Variants in SMYD2 observed in about 807,000 individuals in gnomAD.
The protein encoded by SMYD2 is SET and MYND domain containing 2, also known as N-lysine methyltransferase SMYD2.
In SMYD2, 53 loss-of-function variants were observed where a neutral mutation model predicts 59.1. That is an observed-to-expected ratio of 0.90 (90% confidence interval 0.72 to 1.13). SMYD2 has a LOEUF of 1.13. Ranked by LOEUF, SMYD2 falls within the 50% of genes most tolerant of loss-of-function variation. SMYD2 has a pLI of 0.00. For missense variants in SMYD2, 494 were observed against 544.7 expected (o/e 0.91, Z 0.93); for synonymous variants, 208 against 198.8 (o/e 1.05, Z -0.39).
At chr1:214,301,332 T>TG (rs891927295) in intron 1 of SMYD2, among the ~76,000 whole-genome samples, 1 of 152,210 alleles carries the variant, frequency 6.6e-6, no homozygotes, top group Non-Finnish European at 1.5e-5. Context: ...TCTTAAAAGT[T>TG]GTGATGTGCA....
chr1:214,328,479 C>A (rs954187199), intron 7 of SMYD2, among the ~76,000 whole-genome samples: 1 of 152,134 alleles, frequency 6.6e-6, no homozygotes, highest in Non-Finnish European at 1.5e-5. Context: ...CATGAGACGT[C>A]TCACCTGGGA....
intron 7 of SMYD2, among the ~76,000 whole-genome samples, chr1:214,328,393 C>T (rs1290868181): frequency 1.3e-5 from 2 of 152,164 alleles, no homozygotes; most frequent in African/African-American, 2.4e-5. Context: ...AGCTTCAGGA[C>T]GTGGAGAGAA....
intron 3 of SMYD2, among the ~76,000 whole-genome samples, chr1:214,316,926 T>C (rs1657094932): frequency 6.6e-6 from 1 of 152,076 alleles, no homozygotes; most frequent in South Asian, 2.1e-4. Flanking sequence ...GGTATCAGAG[T>C]CAGTAAGTCA....
At chr1:214,291,726 A>G (rs547651213) in intron 1 of SMYD2, among the ~76,000 whole-genome samples, 7 of 152,294 alleles carry the variant, frequency 4.6e-5, no homozygotes, top group South Asian at 4.1e-4. Flanking sequence ...CAGTCCTACA[A>G]CTACAACACC....
At chr1:214,325,961 C>T (rs4655335) in intron 6 of SMYD2, among the ~76,000 whole-genome samples, 133,875 of 151,784 alleles carry the variant, frequency 0.88, 59,596 homozygotes, top group African/African-American at 0.97. Flanking sequence ...GCACGCCTTA[C>T]AGGTGTGGTG....
In SMYD2 at chr1:214,316,389, G is replaced by A. The variant is rs73092315; in HGVS notation, c.348+1517G>A. On this transcript the variant is annotated intron_variant, in intron 3 of 11. Transcript: ENST00000366957. ...CCAGCTATTCTGGAGGCTGAGGCAGGAGAATTACTGGAACCCGGAACTTCA... is the reference window on the plus strand; with the variant it reads ...CCAGCTATTCTGGAGGCTGAGGCAGAAGAATTACTGGAACCCGGAACTTCA... Among the ~76,000 whole-genome samples the A allele has an allele frequency of 6.4e-3, 967 of 152,002 alleles. 13 individuals are homozygous for A. Among genetic ancestry groups the A allele is most frequent in the African/African-American group, 0.022 (916 of 41,440 alleles).
chr1:214,287,302 A>C (rs978443577), intron 1 of SMYD2, among the ~76,000 whole-genome samples: 2 of 151,312 alleles, frequency 1.3e-5, no homozygotes, highest in South Asian at 4.2e-4. Context: ...AAGCTGGCCT[A>C]TTGGCTGGGC....
chr1:214,313,802 A>G (rs1657037376), intron 2 of SMYD2, among the ~76,000 whole-genome samples: 1 of 152,058 alleles, frequency 6.6e-6, no homozygotes, highest in African/African-American at 2.4e-5. Context: ...ATCTCAAGTG[A>G]TGGCGCCTCC....
intron 2 of SMYD2, among the ~76,000 whole-genome samples, chr1:214,306,272 T>G (rs1029206008): frequency 2.0e-5 from 3 of 151,994 alleles, no homozygotes; most frequent in Non-Finnish European, 4.4e-5. Flanking sequence ...ACTATTTCAT[T>G]TTTTTTTCTT....
In SMYD2 at chr1:214,324,714, CTG is replaced by C. The variant is rs757807709; in HGVS notation, c.602+10_602+11del. ...GGATCAGCGATATTTCCTGAGTAGG[CTG>C]TGTTTGACTTCATTTCTTTCCTTTT... On this transcript the variant is annotated splice_region_variant and intron_variant, in intron 6 of 11. Transcript: ENST00000366957. The C allele has an allele frequency of 1.6e-5, 26 of 1,605,190 alleles. No homozygotes were observed. In the African/African-American group the frequency reaches 3.4e-4, roughly 21 times the overall value.
Position 214,318,290 on chromosome 1 carries a change from G to A in SMYD2, c.409+151G>A, listed in dbSNP as rs916546403. Reference sequence around the variant, plus strand: ...TTTATTTTTACTCTTGTGCTGTTTCGAAAAGCACTTTTAGCTTTTTTCTTC... The same window carrying A: ...TTTATTTTTACTCTTGTGCTGTTTCAAAAAGCACTTTTAGCTTTTTTCTTC... On this transcript the variant is annotated intron_variant, in intron 4 of 11. Coordinates refer to ENST00000366957, the MANE Select transcript of SMYD2 (RefSeq NM_020197.3). This position sits in a 1 kb window ranked among gnomAD's most constrained non-coding sequence, Gnocchi z 5.4. 6 of 709,314 alleles carry A rather than the reference G, an allele frequency of 8.5e-6. No individual in the cohort carries two copies. The highest frequency in any genetic ancestry group is 2.1e-5 in the South Asian group (1 of 48,620). The allele number at this position is 709,314 out of a possible 1,614,324, so 43.9% of individuals were successfully genotyped here. A position where few individuals can be genotyped will look rare whatever the true frequency, so the allele number is the denominator to read the frequency against.
intron 6 of SMYD2, among the ~76,000 whole-genome samples, chr1:214,325,326 G>A (rs577488090): frequency 6.6e-6 from 1 of 152,342 alleles, no homozygotes; most frequent in Non-Finnish European, 1.5e-5. Flanking sequence ...GAATGATTTT[G>A]CCTTTGTCTG....
intron 3 of SMYD2, among the ~76,000 whole-genome samples, chr1:214,317,090 G>A (rs971079511): frequency 2.0e-5 from 3 of 152,140 alleles, no homozygotes; most frequent in Admixed American, 6.5e-5. Context: ...TTTCCCAAGC[G>A]AGATGACTTA....
intron 7 of SMYD2, 134 bp downstream of exon 7, chr1:214,327,858 C>T (rs138323600): frequency 3.0e-6 from 2 of 674,878 alleles, no homozygotes; most frequent in African/African-American, 1.8e-5. Flanking sequence ...TGAGTCTGCC[C>T]TCAGGCTCTC....
chr1:214,300,944 A>G lies in SMYD2; in HGVS notation c.174-4243A>G, dbSNP rs144601080. The stretch of plus-strand genomic sequence containing the variant: ...AGAACCGCAGAGAGCTTTTGTTTAT[A>G]TGAGTTATAGCAATCATTATGTATC... On this transcript the variant is annotated intron_variant, in intron 1 of 11. Transcript: ENST00000366957. 2.0e-3 allele frequency among the ~76,000 whole-genome samples: 302 copies of G among 152,354 alleles called. 3 individuals carry two copies. In the East Asian group the frequency reaches 0.029, roughly 15 times the overall value.
intron 1 of SMYD2, among the ~76,000 whole-genome samples, chr1:214,299,484 C>CATAT (rs1656787939): frequency 2.4e-5 from 1 of 41,056 alleles, no homozygotes; most frequent in Non-Finnish European, 5.5e-5. Context: ...TATATATATA[C>CATAT]ACCATAGAAT....
intron 10 of SMYD2, 67 bp downstream of exon 10, chr1:214,332,259 T>G (rs921099059): frequency 6.5e-7 from 1 of 1,546,618 alleles, no homozygotes; most frequent in Admixed American, 1.8e-5. Context: ...TATACGATAG[T>G]GTCATCTTCC....
chr1:214,294,341 C>T (rs1656688989), intron 1 of SMYD2, among the ~76,000 whole-genome samples: 1 of 152,152 alleles, frequency 6.6e-6, no homozygotes, highest in Non-Finnish European at 1.5e-5. Context: ...AGAATCTCAA[C>T]TCTTAAAATT....
intron 3 of SMYD2, among the ~76,000 whole-genome samples, chr1:214,316,262 G>C (rs113800198): frequency 6.6e-6 from 1 of 152,068 alleles, no homozygotes; most frequent in African/African-American, 2.4e-5. Context: ...TTTGAATCCA[G>C]GAGTTCGAGA....
Sources: allele counts gnomAD v4.1 joint callset (sites outside exome capture counted in the v4.1 genomes callset), GRCh38; gene constraint gnomAD v4.1.1; non-coding constraint Gnocchi (gnomAD v3.1); transcripts MANE v1.5; gene names NCBI Gene and HGNC (gene_info 2026-07-23, HGNC 2026-07-21).